The following KCNB2 variants were observed in gnomAD, a reference collection of about 807,000 sequenced individuals.
KCNB2 encodes delayed rectifier potassium channel protein.
Under a neutral mutation model 61.5 loss-of-function variants are expected in KCNB2, and 15 were observed. The observed-to-expected ratio is 0.24, with a 90% CI of 0.16 to 0.38. KCNB2 has a LOEUF of 0.38. KCNB2 is among the 10% of genes least tolerant of loss of function. KCNB2 has a pLI of 1.00. For missense variants in KCNB2, 828 were observed against 1,125.2 expected, an observed-to-expected ratio of 0.74 and a Z score of 3.78; for synonymous variants, 457 against 446.0, an observed-to-expected ratio of 1.02 and a Z score of -0.31.
chr8:72,686,655 A>C (rs894731134), intron 2 of KCNB2, among the ~76,000 whole-genome samples: 1 of 152,202 alleles, frequency 6.6e-6, no homozygotes, highest in Non-Finnish European at 1.5e-5. Flanking sequence ...ACAATTCATC[A>C]TCGAGTGTTC....
At chr8:72,543,100 A>G (rs1479567589) in intron 1 of KCNB2, among the ~76,000 whole-genome samples, 1 of 152,086 alleles carries the variant, frequency 6.6e-6, no homozygotes, top group African/African-American at 2.4e-5. Context: ...CGGATCCAAT[A>G]CCCCCTTTTT....
intron 1 of KCNB2, among the ~76,000 whole-genome samples, chr8:72,565,326 C>T (rs1806607880): frequency 6.6e-6 from 1 of 152,080 alleles, no homozygotes; most frequent in African/African-American, 2.4e-5. Context: ...ATTTAACTTG[C>T]AGGATGGAGA....
At chr8:72,813,829 A>G (rs1317238837) in intron 2 of KCNB2, among the ~76,000 whole-genome samples, 1 of 152,224 alleles carries the variant, frequency 6.6e-6, no homozygotes, top group Non-Finnish European at 1.5e-5. Context: ...AACTTTATGT[A>G]AATGAAGTCA....
rs369625944 is a variant in KCNB2 at position 72,613,837 on chromosome 8, T to C, written c.579+45524T>C. 1.3e-3 allele frequency among the ~76,000 whole-genome samples: 203 copies of C among 152,336 alleles called. No homozygotes were observed. In the Middle Eastern group the frequency reaches 0.027, roughly 20 times the overall value. ...AATTCAGAATGGTCCACATTTAAAA[T>C]TCATCACCAGAATGAAGTAACGTGA... On this transcript the variant is annotated intron_variant, in intron 2 of 2. Coordinates refer to ENST00000523207, the MANE Select transcript of KCNB2 (RefSeq NM_004770.3).
intron 2 of KCNB2, among the ~76,000 whole-genome samples, chr8:72,778,763 AG>A (rs1278868575): frequency 3.4e-3 from 426 of 127,142 alleles, no homozygotes; most frequent in Middle Eastern, 0.012. Context: ...AAAAAAAAAA[AG>A]AAAGAAAGAA....
At chr8:72,546,512 G>C (rs1437690557) in intron 1 of KCNB2, among the ~76,000 whole-genome samples, 1 of 142,800 alleles carries the variant, frequency 7.0e-6, no homozygotes, top group African/African-American at 2.7e-5. Flanking sequence ...GCAAGACTCT[G>C]TGTCAAAAAA....
intron 2 of KCNB2, among the ~76,000 whole-genome samples, chr8:72,646,279 T>TA (rs1806127562): frequency 6.6e-6 from 1 of 152,178 alleles, no homozygotes; most frequent in South Asian, 2.1e-4. Context: ...CATTTTTACT[T>TA]ACTGATATTT....
intron 1 of KCNB2, among the ~76,000 whole-genome samples, chr8:72,553,068 A>T (rs975247116): frequency 1.3e-5 from 2 of 152,192 alleles, no homozygotes; most frequent in African/African-American, 4.8e-5. Context: ...CAACAAAAAA[A>T]TTTAAAAAAA....
chr8:72,597,092 C>T (rs113291969), intron 2 of KCNB2, among the ~76,000 whole-genome samples: 4,995 of 139,824 alleles, frequency 0.036, 143 homozygotes, highest in Non-Finnish European at 0.059. Context: ...GGCACGATCT[C>T]GGCTCACTGC....
At chr8:72,700,514 C>T (rs1047795559) in intron 2 of KCNB2, among the ~76,000 whole-genome samples, 3 of 152,082 alleles carry the variant, frequency 2.0e-5, no homozygotes, top group African/African-American at 7.2e-5. Context: ...GAGATACCAT[C>T]TCACACCAGT....
intron 2 of KCNB2, among the ~76,000 whole-genome samples, chr8:72,760,953 C>T (rs1808368791): frequency 6.6e-6 from 1 of 152,156 alleles, no homozygotes; most frequent in Non-Finnish European, 1.5e-5. Context: ...AGCACCATCA[C>T]CTCCTCTTTC....
intron 2 of KCNB2, among the ~76,000 whole-genome samples, chr8:72,914,503 G>A (rs1264743735): frequency 6.6e-6 from 1 of 152,112 alleles, no homozygotes; most frequent in East Asian, 1.9e-4. Context: ...TCTCAGTTGG[G>A]TTGTTTGAAT....
rs1303050547 is a variant in KCNB2, at chr8:72,851,826, G to GGAAAAAAAAAAAAAA, written c.580-84109_580-84108insGAAAAAAAAAAAAAA. Among the ~76,000 whole-genome samples, 4 of 43,864 alleles carry GGAAAAAAAAAAAAAA rather than the reference G, an allele frequency of 9.1e-5. No individual in the cohort carries two copies. The South Asian group carries it at 5.9e-3, about 64-fold the overall frequency. The allele number at this position is 43,864 out of a possible 152,430, so 28.8% of individuals were successfully genotyped here. On this transcript the variant is annotated intron_variant, in intron 2 of 2. Coordinates refer to ENST00000523207, the MANE Select transcript of KCNB2 (RefSeq NM_004770.3). ...TTTTTTTTTAATGTAGAAGCTGTAG[G>GGAAAAAAAAAAAAAA]AAAAAAAAAAAAAAAAAAAAAACAC...
intron 2 of KCNB2, among the ~76,000 whole-genome samples, chr8:72,783,337 G>T (rs1292011028): frequency 6.6e-6 from 1 of 152,020 alleles, no homozygotes; most frequent in Non-Finnish European, 1.5e-5. Context: ...AGGCTACAAG[G>T]TCTTGCAAGA....
At chr8:72,794,507 G>C (rs1808996640) in intron 2 of KCNB2, among the ~76,000 whole-genome samples, 1 of 149,680 alleles carries the variant, frequency 6.7e-6, no homozygotes, top group African/African-American at 2.5e-5. Flanking sequence ...AGAGGTTGTG[G>C]TGAGCTGAGA....
chr8:72,587,558 G>T (rs554124764), intron 2 of KCNB2, among the ~76,000 whole-genome samples: 14 of 151,992 alleles, frequency 9.2e-5, no homozygotes, highest in African/African-American at 3.4e-4. Context: ...TGAAATGTGG[G>T]CTGTATAAGA....
chr8:72,922,081 G>A (rs1393863879), intron 2 of KCNB2, among the ~76,000 whole-genome samples: 2 of 152,188 alleles, frequency 1.3e-5, no homozygotes, highest in African/African-American at 4.8e-5. Context: ...GGACAGGGCT[G>A]TGCTTCTTCT....
intron 2 of KCNB2, among the ~76,000 whole-genome samples, chr8:72,604,267 T>C (rs997905107): frequency 1.3e-5 from 2 of 152,204 alleles, no homozygotes; most frequent in Admixed American, 1.3e-4. Context: ...ACACAATGAA[T>C]GCTCCATCTA....
rs141362243 is a variant in KCNB2 at position 72,699,117 on chromosome 8, A to C, written c.579+130804A>C. The stretch of plus-strand genomic sequence containing the variant: ...GGCATACTATGTAACTGACAAAGGT[A>C]TGACATCTATAATCTATAAGGAACT... On this transcript the variant is annotated intron_variant, in intron 2 of 2. Transcript: ENST00000523207. 2.1e-3 allele frequency among the ~76,000 whole-genome samples: 321 copies of C among 152,276 alleles called. 3 individuals are homozygous for C. Among genetic ancestry groups the C allele is most frequent in the African/African-American group, 7.3e-3 (302 of 41,568 alleles).
Sources: gnomAD v4.1 joint callset for allele counts (sites outside exome capture counted in the v4.1 genomes callset) on GRCh38, gnomAD v4.1.1 for gene constraint, MANE v1.5 for transcripts, NCBI Gene and HGNC (gene_info 2026-07-23, HGNC 2026-07-21) for gene names.